MORN1: variants seen among roughly 807,000 people sequenced by gnomAD.
MORN1 encodes the protein MORN repeat containing 1.
Under a neutral mutation model 61.9 loss-of-function variants are expected in MORN1, and 67 were observed. The ratio of observed to expected loss-of-function variants is 1.08; its 90% CI spans 0.89 to 1.33. The LOEUF is 1.33. Among genes scored for constraint, MORN1 ranks in the 40% most tolerant of loss-of-function variants. MORN1 has a pLI of 0.00. For synonymous variants in MORN1, 301 were observed against 292.0 expected, an observed-to-expected ratio of 1.03 and a Z score of -0.31; for missense variants, 752 against 691.2, an observed-to-expected ratio of 1.09 and a Z score of -0.99.
Position 2,357,074 on chromosome 1 carries a change from G to A in MORN1, c.1036+358C>T, listed in dbSNP as rs997251344. ...GCCGGCGGCTGCTGTGAGGGCTCCC[G>A]GGCGGCAGGAGTGGCTGGGGCCGTG... On this transcript the variant is annotated intron_variant, in intron 10 of 13. Transcript: ENST00000378531. The surrounding 1 kb of genome is among the most constrained non-coding windows in gnomAD (Gnocchi z 6.3). Among the ~76,000 whole-genome samples, 21 of 152,178 alleles carry A rather than the reference G, an allele frequency of 1.4e-4. No homozygotes were observed. Among genetic ancestry groups the A allele is most frequent in the Admixed American group, 1.2e-3 (18 of 15,292 alleles).
intron 8 of MORN1, among the ~76,000 whole-genome samples, chr1:2,369,355 GAAA>G (rs55703845): frequency 2.4e-4 from 19 of 80,650 alleles, no homozygotes; most frequent in Non-Finnish European, 3.8e-4. Flanking sequence ...CTCAGTCTCA[GAAA>G]AAAAAAAAAA....
chr1:2,385,173 CAAA>C (rs1256190786), intron 5 of MORN1, 108 bp from the exon 6 acceptor site: 2 of 1,140,994 alleles, frequency 1.8e-6, no homozygotes, highest in African/African-American at 1.6e-5. Flanking sequence ...GGGACCGAGG[CAAA>C]AATAGGCCCG....
intron 6 of MORN1, among the ~76,000 whole-genome samples, chr1:2,381,851 C>T (rs1452059073): frequency 6.6e-6 from 1 of 152,208 alleles, no homozygotes; most frequent in Non-Finnish European, 1.5e-5. Flanking sequence ...AAGCTCTGGG[C>T]TCCCGGGGAG....
chr1:2,363,797 C>CAAAT (rs1227378194), intron 8 of MORN1, among the ~76,000 whole-genome samples: 1 of 74,830 alleles, frequency 1.3e-5, no homozygotes, highest in Non-Finnish European at 2.3e-5. Context: ...AACAAACAAA[C>CAAAT]AAACAAACAA....
chr1:2,385,101 G>T (rs368922597), intron 5 of MORN1, 36 bp from the exon 6 acceptor site: 3 of 1,554,746 alleles, frequency 1.9e-6, no homozygotes, highest in Non-Finnish European at 2.6e-6. Context: ...CTCTCAACAG[G>T]GGGAGCCGGG....
chr1:2,342,214 A>G (rs1203958901), intron 10 of MORN1, among the ~76,000 whole-genome samples: 1 of 152,194 alleles, frequency 6.6e-6, no homozygotes, highest in Non-Finnish European at 1.5e-5. Context: ...GGAAATTCCA[A>G]TTCATTATCT....
In MORN1 at chr1:2,385,024, C is replaced by A. The variant is rs371494594; in HGVS notation, c.491G>T (p.Arg164Leu). 1.9e-6 allele frequency: 3 copies of A among 1,599,390 alleles called. No homozygotes were observed. Among genetic ancestry groups the A allele is most frequent in the Non-Finnish European group, 2.6e-6 (3 of 1,174,676 alleles). Residue 164 changes from arginine to leucine, a missense_variant, in exon 6 of 14, where the codon CGT becomes CTT. Transcript: ENST00000378531. ...KYDGDWVRDR[R>L]QGHGVLRCAD... ...GCAGCGCAGCACCCCGTGTCCCTGACGCCGGTCCCGGACCCAGTCGCCGTC... is the reference window on the plus strand; with the variant it reads ...GCAGCGCAGCACCCCGTGTCCCTGAAGCCGGTCCCGGACCCAGTCGCCGTC...
chr1:2,378,840 C>T (rs1642305818), intron 6 of MORN1: 3 of 435,850 alleles, frequency 6.9e-6, no homozygotes, highest in Admixed American at 2.6e-5. Flanking sequence ...ATGGCTGAGG[C>T]GTCACAGGCT....
chr1:2,342,823 ATATTT>A (rs1423147199), intron 10 of MORN1, among the ~76,000 whole-genome samples: 2 of 142,996 alleles, frequency 1.4e-5, no homozygotes, highest in Non-Finnish European at 3.1e-5. Context: ...GCCTTTTTAA[ATATTT>A]TATTTTATTT....
chr1:2,322,702 C>T (rs1237021402), intron 13 of MORN1: 3 of 985,352 alleles, frequency 3.0e-6, no homozygotes, highest in East Asian at 2.3e-4. Context: ...ACAGTGTTTC[C>T]AAGCAGCCCG....
chr1:2,332,223 C>T (rs914620859), intron 12 of MORN1: 6 of 210,940 alleles, frequency 2.8e-5, no homozygotes, highest in East Asian at 1.5e-4. Context: ...CTGAGGGCAC[C>T]GGCGTCCCCC....
rs1277512396 is a variant in MORN1, at chr1:2,336,797, A to G, written c.1090T>C (p.Cys364Arg). 2.5e-6 allele frequency: 4 copies of G among 1,603,060 alleles called. No individual in the cohort carries two copies. Among genetic ancestry groups the G allele is most frequent in the Middle Eastern group, 1.7e-4 (1 of 6,006 alleles). Reference sequence around the variant, plus strand: ...AGGAGGACATCTGTGAACTCGGCACAGCCCTGCTCCACTCGCTGACAGGCC... The same window carrying G: ...AGGAGGACATCTGTGAACTCGGCACGGCCCTGCTCCACTCGCTGACAGGCC... ...PGACQRVEQG[C>R]AEFTDVLLGP... Residue 364 changes from cysteine (C) to arginine (R), a missense_variant, in exon 11 of 14, where the codon TGT becomes CGT. Cys to Arg is a radical substitution (Grantham distance 180). Transcript: ENST00000378531.
chr1:2,379,391 G>A (rs1034546240), intron 6 of MORN1, among the ~76,000 whole-genome samples: 1 of 152,206 alleles, frequency 6.6e-6, no homozygotes, highest in African/African-American at 2.4e-5. Context: ...GAGGGGCAGG[G>A]CAGTTCTAAG....
chr1:2,344,225 C>T (rs1200592050), intron 10 of MORN1, among the ~76,000 whole-genome samples: 1 of 152,166 alleles, frequency 6.6e-6, no homozygotes, highest in African/African-American at 2.4e-5. Context: ...GCGAGAGCGG[C>T]ATCACCTGAG....
At chr1:2,347,287 C>G (rs1004581499) in intron 10 of MORN1, among the ~76,000 whole-genome samples, 1 of 152,172 alleles carries the variant, frequency 6.6e-6, no homozygotes, top group Non-Finnish European at 1.5e-5. Flanking sequence ...CAAAGCGCCT[C>G]TAGAAAGGAA....
At chr1:2,389,480 C>T (rs1357056494) in intron 2 of MORN1, among the ~76,000 whole-genome samples, 1 of 152,234 alleles carries the variant, frequency 6.6e-6, no homozygotes, top group Non-Finnish European at 1.5e-5. Context: ...GCTGGTCAGG[C>T]TGTTCTGGAA....
intron 11 of MORN1, 74 bp from the exon 12 acceptor site, chr1:2,336,622 C>CT: frequency 4.4e-6 from 7 of 1,591,640 alleles, no homozygotes; most frequent in Non-Finnish European, 6.0e-6. Context: ...CTCCAACCCC[C>CT]CTGGGGCACA....
In MORN1 at chr1:2,372,369, G is replaced by T; in HGVS notation, c.745+112C>A. The stretch of plus-strand genomic sequence containing the variant: ...GCCAGGCTCTGGGCACGAAGTCACT[G>T]CTGTGCCTCAGGAGCCACATGCAAC... On this transcript the variant is annotated intron_variant, in intron 8 of 13. Coordinates refer to ENST00000378531, the MANE Select transcript of MORN1 (RefSeq NM_024848.3). The surrounding 1 kb of genome is among the most constrained non-coding windows in gnomAD (Gnocchi z 5.4). The T allele has an allele frequency of 1.2e-6, 1 of 807,804 alleles. No individual in the cohort carries two copies. The highest frequency in any genetic ancestry group is 2.0e-6 in the Non-Finnish European group (1 of 512,008). The allele number at this position is 807,804 out of a possible 1,614,324, so 50.0% of individuals were successfully genotyped here. A position where few individuals can be genotyped will look rare whatever the true frequency, so the allele number is the denominator to read the frequency against.
chr1:2,383,852 G>A (rs1642426515), intron 6 of MORN1, among the ~76,000 whole-genome samples: 1 of 152,126 alleles, frequency 6.6e-6, no homozygotes, highest in Non-Finnish European at 1.5e-5. Flanking sequence ...TTGGTTAACC[G>A]TGAAGCACCC....
Sources: gnomAD v4.1 joint callset for allele counts (sites outside exome capture counted in the v4.1 genomes callset) on GRCh38, gnomAD v4.1.1 for gene constraint, Gnocchi (gnomAD v3.1) non-coding constraint, MANE v1.5 for transcripts, NCBI Gene and HGNC (gene_info 2026-07-23, HGNC 2026-07-21) for gene names.